The following SMARCA2 variants were observed in gnomAD, a reference collection of about 807,000 sequenced individuals.
SMARCA2 encodes SWI/SNF related BAF chromatin remodeling complex subunit ATPase 2, also known as SWI/SNF-related matrix-associated actin-dependent regulator of chromatin subfamily A member 2.
Under a neutral mutation model 199.8 loss-of-function variants are expected in SMARCA2, and 61 were observed. The ratio of observed to expected loss-of-function variants is 0.31; its 90% CI spans 0.25 to 0.38. SMARCA2 has a LOEUF of 0.38. Ranked by LOEUF, SMARCA2 falls within the 10% of genes least tolerant of loss-of-function variation. SMARCA2 has a pLI of 1.00. For synonymous variants in SMARCA2, 935 were observed against 732.0 expected (o/e 1.28, Z -4.48); for missense variants, 1,344 against 2,012.2 (o/e 0.67, Z 6.35).
intron 29 of SMARCA2, among the ~76,000 whole-genome samples, chr9:2,176,182 G>GTTTTTTTTTTTTTTTTTTTTTTTT (rs56186732): frequency 3.8e-5 from 4 of 104,146 alleles, no homozygotes; most frequent in African/African-American, 1.5e-4. Context: ...CGCCCGGCCT[G>GTTTTTTTTTTTTTTTTTTTTTTTT]TTTTTTTTTT....
intron 5 of SMARCA2, 171 bp downstream of exon 5, chr9:2,047,655 G>C: frequency 2.5e-6 from 2 of 810,472 alleles, no homozygotes; most frequent in Non-Finnish European, 1.6e-6. Flanking sequence ...GGGAGGCACC[G>C]GGGTTTTGAA....
intron 27 of SMARCA2, among the ~76,000 whole-genome samples, chr9:2,133,376 G>A (rs965685981): frequency 1.1e-4 from 16 of 152,076 alleles, no homozygotes; most frequent in African/African-American, 3.6e-4. Flanking sequence ...CAAACTCCTC[G>A]GCTCAAGCAG....
At chr9:2,095,561 T>C (rs1822241798) in intron 19 of SMARCA2, among the ~76,000 whole-genome samples, 1 of 152,214 alleles carries the variant, frequency 6.6e-6, no homozygotes, top group Non-Finnish European at 1.5e-5. Context: ...GGAGGGTTAC[T>C]TACACTTCTC....
At position 2,156,414 on chromosome 9, in the gene SMARCA2, C is replaced by CTTTTT. The variant is rs57161267; in HGVS notation, c.3982-5244_3982-5240dup. ...ATACCATAAAGTTTACCATTTTAGA[C>CTTTTT]TTTTTTTTTTTTTTTTTTTTTTTTT... On this transcript the variant is annotated intron_variant, in intron 27 of 33. Coordinates refer to ENST00000349721, the MANE Select transcript of SMARCA2 (RefSeq NM_003070.5). 3.7e-3 allele frequency among the ~76,000 whole-genome samples: 257 copies of CTTTTT among 69,128 alleles called. 13 individuals carry two copies. Among genetic ancestry groups the CTTTTT allele is most frequent in the African/African-American group, 5.6e-3 (80 of 14,324 alleles). 45.4% of individuals were successfully genotyped at this position (69,128 alleles called of 152,430 possible).
chr9:2,153,251 G>A (rs1264334995), intron 27 of SMARCA2, among the ~76,000 whole-genome samples: 1 of 152,144 alleles, frequency 6.6e-6, no homozygotes, highest in East Asian at 1.9e-4. Flanking sequence ...AAGTGCCCTC[G>A]ATAGGCCAGA....
chr9:2,127,155 T>C (rs1823731699), intron 27 of SMARCA2, among the ~76,000 whole-genome samples: 1 of 152,190 alleles, frequency 6.6e-6, no homozygotes, highest in African/African-American at 2.4e-5. Flanking sequence ...TTAATTGTCC[T>C]CTTAACATTT....
intron 1 of SMARCA2, among the ~76,000 whole-genome samples, chr9:2,024,444 A>G (rs1818738361): frequency 6.6e-6 from 1 of 152,104 alleles, no homozygotes; most frequent in Admixed American, 6.5e-5. Flanking sequence ...CCTTCTATTC[A>G]TTTTTGTACC....
chr9:2,177,129 A>ATGAT (rs1418098441), intron 29 of SMARCA2, among the ~76,000 whole-genome samples: 10 of 152,284 alleles, frequency 6.6e-5, no homozygotes, highest in East Asian at 3.9e-4. Flanking sequence ...AAATTCTTCA[A>ATGAT]TGATATATAT....
chr9:2,186,339 C>A, intron 32 of SMARCA2, 111 bp downstream of exon 32: 1 of 1,163,004 alleles, frequency 8.6e-7, no homozygotes, highest in South Asian at 1.6e-5. Context: ...TGGATTGGAG[C>A]CCTTATTCCA....
chr9:2,113,337 T>G (rs886173126), intron 24 of SMARCA2, among the ~76,000 whole-genome samples: 2 of 152,100 alleles, frequency 1.3e-5, no homozygotes, highest in African/African-American at 2.4e-5. Flanking sequence ...GTACTCGTGT[T>G]TTTTACCCAC....
chr9:2,028,875 T>C, intron 1 of SMARCA2, 112 bp from the exon 2 acceptor site: 1 of 863,988 alleles, frequency 1.2e-6, no homozygotes, highest in Non-Finnish European at 1.8e-6. Flanking sequence ...ACAGGGCAGC[T>C]CTGTTTGATG....
chr9:2,049,744 A>T (rs1050128878), intron 5 of SMARCA2, among the ~76,000 whole-genome samples: 1 of 152,224 alleles, frequency 6.6e-6, no homozygotes, highest in Non-Finnish European at 1.5e-5. Flanking sequence ...CAGAGATTAA[A>T]TTTATCCCTT....
In SMARCA2 at chr9:2,192,733, T is replaced by C; in HGVS notation, c.4767T>C (p.Asp1589=). ...AGTCAGAAGGAAGTGGGACGGATGA[T>C]GAGTGATCAGTATGGACCTTTTTCC... is the stretch of plus-strand genomic sequence containing the variant. ...REQSEGSGTD[D]E The change falls in exon 34 of 34, where the codon GAT becomes GAC. Residue 1589 remains aspartate (D), a synonymous_variant. Coordinates refer to ENST00000349721, the MANE Select transcript of SMARCA2 (RefSeq NM_003070.5). The C allele has an allele frequency of 2.5e-6, 4 of 1,609,154 alleles. No individual in the cohort carries two copies. Among genetic ancestry groups the C allele is most frequent in the East Asian group, 2.2e-5 (1 of 44,860 alleles).
intron 31 of SMARCA2, among the ~76,000 whole-genome samples, chr9:2,183,120 A>G: frequency 6.6e-6 from 1 of 152,214 alleles, no homozygotes; most frequent in African/African-American, 2.4e-5. Context: ...TAGAGGAGGG[A>G]TTCAAGTAAA....
chr9:2,032,749 C>A, intron 2 of SMARCA2: 2 of 416,568 alleles, frequency 4.8e-6, no homozygotes, highest in South Asian at 5.1e-5. Context: ...AACAAAAAAA[C>A]AACCCTCCAC....
At chr9:2,184,697 G>C (rs1434829420) in intron 31 of SMARCA2, among the ~76,000 whole-genome samples, 2 of 151,980 alleles carry the variant, frequency 1.3e-5, no homozygotes, top group African/African-American at 4.8e-5. Context: ...ACAATTCCCA[G>C]ATGCATCTCT....
chr9:2,171,030 G>A (rs1170539176), intron 29 of SMARCA2, among the ~76,000 whole-genome samples: 1 of 152,198 alleles, frequency 6.6e-6, no homozygotes, highest in Non-Finnish European at 1.5e-5. Context: ...CCTGTTGTGT[G>A]TAGTCCCAAG....
chr9:2,068,912 C>G (rs939470070), intron 9 of SMARCA2: 3 of 151,850 alleles, frequency 2.0e-5, no homozygotes, highest in Non-Finnish European at 4.4e-5. Context: ...CAAGATATGA[C>G]ATAACCTTTT....
intron 8 of SMARCA2, among the ~76,000 whole-genome samples, chr9:2,060,117 C>T (rs1358091943): frequency 2.6e-5 from 1 of 37,872 alleles, no homozygotes; most frequent in Non-Finnish European, 4.4e-5. Context: ...AGATCTGTGG[C>T]CAAAAAAAAA....
Sources: allele counts gnomAD v4.1 joint callset (sites outside exome capture counted in the v4.1 genomes callset), GRCh38; gene constraint gnomAD v4.1.1; transcripts MANE v1.5; gene names NCBI Gene and HGNC (gene_info 2026-07-23, HGNC 2026-07-21).